Variants in RALYL observed in about 807,000 individuals in gnomAD.
The protein encoded by RALYL is RALY RNA binding protein like, also known as RNA-binding Raly-like protein.
Under a neutral mutation model 35.1 loss-of-function variants are expected in RALYL, and 29 were observed. The observed-to-expected ratio is 0.83, with a 90% confidence interval of 0.61 to 1.13. RALYL has a LOEUF of 1.13. RALYL is among the 50% of genes most tolerant of loss of function. The pLI is 0.00. For synonymous variants in RALYL, 120 were observed against 127.6 expected, an observed-to-expected ratio of 0.94 and a Z score of 0.40; for missense variants, 359 against 360.4, an observed-to-expected ratio of 1.00 and a Z score of 0.03.
At chr8:84,252,765 A>G (rs1321025047) in intron 1 of RALYL, among the ~76,000 whole-genome samples, 1 of 151,930 alleles carries the variant, frequency 6.6e-6, no homozygotes, top group Non-Finnish European at 1.5e-5. Flanking sequence ...AAATAGGCCT[A>G]ACTGTTGATG....
chr8:84,403,084 G>A (rs2043084346), intron 1 of RALYL, among the ~76,000 whole-genome samples: 2 of 152,010 alleles, frequency 1.3e-5, no homozygotes, highest in Admixed American at 6.6e-5. Flanking sequence ...TGGATAGATT[G>A]CAAAAATTTT....
At chr8:84,656,845 C>T (rs1830050021) in intron 2 of RALYL, among the ~76,000 whole-genome samples, 1 of 151,896 alleles carries the variant, frequency 6.6e-6, no homozygotes, top group African/African-American at 2.4e-5. Flanking sequence ...GCTATTTTCC[C>T]ATTAAATATC....
At chr8:84,858,407 G>T (rs529820548) in intron 5 of RALYL, among the ~76,000 whole-genome samples, 47 of 152,134 alleles carry the variant, frequency 3.1e-4, no homozygotes, top group Admixed American at 5.9e-4. Context: ...GTAAGTATTT[G>T]GGAGAAAATT....
intron 1 of RALYL, among the ~76,000 whole-genome samples, chr8:84,432,746 T>C (rs1282965862): frequency 1.3e-5 from 2 of 152,052 alleles, no homozygotes; most frequent in Non-Finnish European, 2.9e-5. Flanking sequence ...CACGTGATGA[T>C]AGAGGCATAG....
intron 2 of RALYL, among the ~76,000 whole-genome samples, chr8:84,765,838 GAA>G (rs759401675): frequency 3.6e-5 from 5 of 138,174 alleles, no homozygotes; most frequent in African/African-American, 7.9e-5. Flanking sequence ...ACCTGATGAG[GAA>G]AAAAAAAAAA....
At chr8:84,867,965 T>A (rs1445690698) in intron 6 of RALYL, among the ~76,000 whole-genome samples, 1 of 152,178 alleles carries the variant, frequency 6.6e-6, no homozygotes, top group Non-Finnish European at 1.5e-5. Flanking sequence ...AATTTCAATA[T>A]CAGGTGACAG....
chr8:84,241,152 G>GCA (rs1221342510), intron 1 of RALYL, among the ~76,000 whole-genome samples: 1 of 151,882 alleles, frequency 6.6e-6, no homozygotes, highest in Non-Finnish European at 1.5e-5. Flanking sequence ...GAGTGCCTGT[G>GCA]CACACACACA....
chr8:84,715,610 T>C (rs917029444), intron 2 of RALYL, among the ~76,000 whole-genome samples: 2 of 152,080 alleles, frequency 1.3e-5, no homozygotes, highest in Non-Finnish European at 2.9e-5. Context: ...TTGTCTCATA[T>C]GCTATCTTTT....
chr8:84,429,682 A>G (rs1295847098), intron 1 of RALYL, among the ~76,000 whole-genome samples: 2 of 152,054 alleles, frequency 1.3e-5, no homozygotes, highest in Non-Finnish European at 2.9e-5. Flanking sequence ...GTCACACTGT[A>G]AGCATTCAAA....
At chr8:84,506,369 T>C (rs2057163944) in intron 1 of RALYL, among the ~76,000 whole-genome samples, 1 of 121,840 alleles carries the variant, frequency 8.2e-6, no homozygotes, top group South Asian at 3.0e-4. Flanking sequence ...TTCTATGATA[T>C]CAATATTCTG....
intron 8 of RALYL, among the ~76,000 whole-genome samples, chr8:84,899,231 A>T (rs946142053): frequency 3.9e-5 from 6 of 152,162 alleles, no homozygotes; most frequent in African/African-American, 1.4e-4. Context: ...CAACAAGGAC[A>T]CATCCATTTG....
intron 4 of RALYL, among the ~76,000 whole-genome samples, chr8:84,811,725 T>G (rs1165166319): frequency 6.6e-6 from 1 of 152,186 alleles, no homozygotes; most frequent in East Asian, 1.9e-4. Flanking sequence ...TATTCTTTAT[T>G]ATTTGTCATG....
At chr8:84,743,511 A>G (rs1462645090) in intron 2 of RALYL, among the ~76,000 whole-genome samples, 1 of 152,060 alleles carries the variant, frequency 6.6e-6, no homozygotes, top group East Asian at 1.9e-4. Flanking sequence ...TGGCCTAAGA[A>G]AAGGGTTCTC....
chr8:84,187,790 G>C (rs1283478140), intron 1 of RALYL, among the ~76,000 whole-genome samples: 3 of 152,088 alleles, frequency 2.0e-5, no homozygotes, highest in African/African-American at 7.2e-5. Context: ...TTAAGAGCCA[G>C]TAGTAAGTAT....
intron 2 of RALYL, among the ~76,000 whole-genome samples, chr8:84,539,333 G>A (rs1449877308): frequency 1.3e-5 from 2 of 152,068 alleles, no homozygotes; most frequent in Non-Finnish European, 2.9e-5. Context: ...CTAAAAGAAG[G>A]CAAAAGGGCT....
At chr8:84,635,917 T>G (rs1013278277) in intron 2 of RALYL, among the ~76,000 whole-genome samples, 1 of 151,842 alleles carries the variant, frequency 6.6e-6, no homozygotes, top group Admixed American at 6.6e-5. Context: ...TCTTTGGTTT[T>G]CTTAATCTGA....
At chr8:84,233,437 G>A (rs1292448525) in intron 1 of RALYL, among the ~76,000 whole-genome samples, 1 of 152,140 alleles carries the variant, frequency 6.6e-6, no homozygotes, top group African/African-American at 2.4e-5. Context: ...GTGTGAGGGA[G>A]CTAGACTAAC....
At chr8:84,219,182 G>T (rs191331322) in intron 1 of RALYL, among the ~76,000 whole-genome samples, 1 of 152,014 alleles carries the variant, frequency 6.6e-6, no homozygotes, top group Non-Finnish European at 1.5e-5. Context: ...TAATCCCCAC[G>T]TGTCAAGGAA....
chr8:84,728,281 A>C (rs1845402541), intron 2 of RALYL, among the ~76,000 whole-genome samples: 2 of 152,150 alleles, frequency 1.3e-5, no homozygotes, highest in Non-Finnish European at 2.9e-5. Flanking sequence ...TCTTTTGAGA[A>C]GTGTCTGCTC....
Sources: allele counts gnomAD v4.1 joint callset (sites outside exome capture counted in the v4.1 genomes callset), GRCh38; gene constraint gnomAD v4.1.1; transcripts MANE v1.5; gene names NCBI Gene and HGNC (gene_info 2026-07-23, HGNC 2026-07-21).